GK: variants seen among roughly 807,000 people sequenced by gnomAD.
GK encodes ATP:glycerol 3-phosphotransferase.
Under a neutral mutation model 56.4 loss-of-function variants are expected in GK, and 9 were observed. The observed-to-expected ratio is 0.16, with a 90% CI of 0.10 to 0.28. The LOEUF (loss-of-function observed/expected upper bound fraction) is 0.28, where lower values mean the gene tolerates loss of function less well. Among genes scored for constraint, GK ranks in the 10% least tolerant of loss-of-function variants. The pLI is 1.00. For synonymous variants in GK, 104 were observed against 144.1 expected, an observed-to-expected ratio of 0.72 and a Z score of 1.99; for missense variants, 161 against 431.4, an observed-to-expected ratio of 0.37 and a Z score of 5.55.
intron 9 of GK, among the ~76,000 whole-genome samples, chrX:30,699,822 A>C (rs1040311161): frequency 8.9e-6 from 1 of 111,754 alleles, no homozygotes; most frequent in Non-Finnish European, 1.9e-5. Context: ...CAAAATAAAA[A>C]CCAGTATTTA....
At chrX:30,690,249 T>G (rs1334920046) in intron 4 of GK, among the ~76,000 whole-genome samples, 1 of 112,065 alleles carries the variant, frequency 8.9e-6, no homozygotes, top group Non-Finnish European at 1.9e-5. Flanking sequence ...AGGAGGTATC[T>G]GAGCAGTCAG....
At chrX:30,699,998 C>G (rs1935558758) in intron 9 of GK, 1 of 122,000 alleles carries the variant, frequency 8.2e-6, no homozygotes, top group Non-Finnish European at 1.7e-5. Flanking sequence ...GGTTTGATAG[C>G]TATTGGAAGA....
rs536332035 is a variant in GK, at chrX:30,676,083, G to A, written c.260-1292G>A. On this transcript the variant is annotated intron_variant, in intron 3 of 20. Transcript: ENST00000427190. ...TGGGATTACAGGTGCAAGCCACCACGCCAGGCCATCTGGCTAATTTTTAAA... is the reference window on the plus strand; with the variant it reads ...TGGGATTACAGGTGCAAGCCACCACACCAGGCCATCTGGCTAATTTTTAAA... Among the ~76,000 whole-genome samples, 26 of 112,006 alleles carry A rather than the reference G, an allele frequency of 2.3e-4. 1 individual carries two copies. The South Asian group carries it at 9.6e-3, about 42-fold the overall frequency.
chrX:30,718,521 T>A lies in GK; in HGVS notation c.976-17T>A, dbSNP rs763326019. ...GTGATAAAATATATTCTGTCTTGAA[T>A]TCCTTTTTTTCTTTAGGGTTCTGTA... On this transcript the variant is annotated splice_polypyrimidine_tract_variant and intron_variant, in intron 13 of 20. Transcript: ENST00000427190. 9 of 1,102,639 alleles carry A rather than the reference T, an allele frequency of 8.2e-6. No homozygotes were observed. In the South Asian group the frequency reaches 1.7e-4, roughly 20 times the overall value. The allele number at this position is 1,102,639 out of a possible 1,213,427, so 90.9% of individuals were successfully genotyped here.
At chrX:30,702,430 A>G (rs1935737294) in intron 11 of GK, among the ~76,000 whole-genome samples, 1 of 113,111 alleles carries the variant, frequency 8.8e-6, no homozygotes, top group Admixed American at 9.3e-5. Flanking sequence ...CTGAATTAAT[A>G]CTAACAATTA....
At chrX:30,711,529 C>T (rs748342704) in intron 13 of GK, among the ~76,000 whole-genome samples, 1 of 111,593 alleles carries the variant, frequency 9.0e-6, no homozygotes, top group Non-Finnish European at 1.9e-5. Flanking sequence ...CCATTACCTC[C>T]ATCCTCTTCT....
intron 18 of GK, among the ~76,000 whole-genome samples, chrX:30,723,394 CA>C (rs375486944): frequency 2.7e-3 from 249 of 93,938 alleles, no homozygotes; most frequent in Admixed American, 2.8e-3. Flanking sequence ...GACTCAGTCT[CA>C]AAAAAAAAAA....
chrX:30,710,384 C>T (rs1048057079), intron 13 of GK, among the ~76,000 whole-genome samples: 33 of 111,704 alleles, frequency 3.0e-4, no homozygotes, highest in African/African-American at 1.0e-3. Context: ...AACACACATA[C>T]GCATACTAAT....
intron 3 of GK, among the ~76,000 whole-genome samples, chrX:30,670,814 T>C (rs1300439020): frequency 1.1e-4 from 11 of 96,946 alleles, no homozygotes; most frequent in East Asian, 3.4e-4. Context: ...GAAACCCTGT[T>C]TCTACTGAAA....
chrX:30,701,320 A>G (rs886158226), intron 11 of GK, among the ~76,000 whole-genome samples: 7 of 111,988 alleles, frequency 6.3e-5, no homozygotes, highest in African/African-American at 2.3e-4. Flanking sequence ...GAGGCAGGAG[A>G]ATCGCTTGAA....
chrX:30,707,104 G>T (rs1202546808), intron 11 of GK, among the ~76,000 whole-genome samples: 1 of 111,648 alleles, frequency 9.0e-6, no homozygotes, highest in Non-Finnish European at 1.9e-5. Context: ...GCTGAGGTGG[G>T]TGGATCACGA....
intron 11 of GK, among the ~76,000 whole-genome samples, chrX:30,703,600 G>A (rs923392563): frequency 7.1e-5 from 8 of 111,961 alleles, no homozygotes; most frequent in African/African-American, 2.3e-4. Context: ...TGTTCAGAGC[G>A]TGTTTGTGGT....
intron 4 of GK, chrX:30,687,691 C>G (rs763023358): frequency 3.0e-6 from 1 of 333,028 alleles, no homozygotes; most frequent in Non-Finnish European, 6.0e-6. Context: ...ACTTCTGCTG[C>G]CAGATCTGGA....
chrX:30,700,155 C>G (rs1935567254), intron 9 of GK: 1 of 328,850 alleles, frequency 3.0e-6, no homozygotes, highest in African/African-American at 2.6e-5. Flanking sequence ...TACTAACTAA[C>G]TAACCAAGAG....
At position 30,695,046 on chromosome X, in the gene GK, T is replaced by C. The variant is rs1188708852; in HGVS notation, c.552+509T>C. On this transcript the variant is annotated intron_variant, in intron 6 of 20. Coordinates refer to ENST00000427190, the MANE Select transcript of GK (RefSeq NM_001205019.2). ...GCAATCATCAACCTATGGCCAATCT[T>C]ATTTCTACTATACTCACATATTCTT... 8 of 376,653 alleles carry C rather than the reference T, an allele frequency of 2.1e-5. 1 individual carries two copies. In the Admixed American group the frequency reaches 2.6e-4, roughly 12 times the overall value. 31.0% of individuals were successfully genotyped at this position (376,653 alleles called of 1,213,427 possible).
chrX:30,725,083 A>G (rs1381176294), intron 19 of GK, among the ~76,000 whole-genome samples: 3 of 110,422 alleles, frequency 2.7e-5, no homozygotes, highest in Non-Finnish European at 5.7e-5. Context: ...GGGTTTCACC[A>G]TGTTGGCCAG....
intron 11 of GK, among the ~76,000 whole-genome samples, chrX:30,704,887 A>T (rs1463264475): frequency 1.8e-5 from 2 of 111,805 alleles, no homozygotes; most frequent in African/African-American, 3.3e-5. Flanking sequence ...GACTTTCAAG[A>T]GTGAAGTTGT....
At chrX:30,655,109 T>TA (rs1932159252) in intron 1 of GK, among the ~76,000 whole-genome samples, 1 of 112,006 alleles carries the variant, frequency 8.9e-6, no homozygotes, top group South Asian at 3.6e-4. Flanking sequence ...TTTAATGACT[T>TA]ACCCTGGTTT....
At chrX:30,674,338 G>T in intron 3 of GK, 1 of 330,910 alleles carries the variant, frequency 3.0e-6, no homozygotes, top group Admixed American at 3.1e-5. Context: ...AAAGTTGAGG[G>T]TCTGCGGCCT....
Sources: gnomAD v4.1 joint callset for allele counts (sites outside exome capture counted in the v4.1 genomes callset) on GRCh38, gnomAD v4.1.1 for gene constraint, MANE v1.5 for transcripts, NCBI Gene and HGNC (gene_info 2026-07-23, HGNC 2026-07-21) for gene names.